Variants in MAP4K4 observed in about 807,000 individuals in gnomAD.
MAP4K4 encodes HPK/GCK-like kinase HGK.
MAP4K4 carries 38 observed loss-of-function variants against 189.6 expected under a neutral mutation model. The ratio of observed to expected loss-of-function variants is 0.20; its 90% CI spans 0.15 to 0.26. MAP4K4 has a LOEUF of 0.26. Ranked by LOEUF, MAP4K4 falls within the 10% of genes least tolerant of loss-of-function variation. MAP4K4 has a pLI of 1.00. For missense variants in MAP4K4, 1,054 were observed against 1,726.9 expected (o/e 0.61, Z 6.91); for synonymous variants, 610 against 624.3 (o/e 0.98, Z 0.34).
chr2:101,838,669 C>G (rs557391604), intron 9 of MAP4K4, among the ~76,000 whole-genome samples: 1 of 152,262 alleles, frequency 6.6e-6, no homozygotes, highest in South Asian at 2.1e-4. Flanking sequence ...AATTTCTCCA[C>G]TTTATTTCCC....
intron 3 of MAP4K4, among the ~76,000 whole-genome samples, chr2:101,801,910 C>T (rs1028514895): frequency 6.6e-6 from 1 of 152,152 alleles, no homozygotes; most frequent in African/African-American, 2.4e-5. Context: ...CCTCATTGCT[C>T]AGGCCCAAAA....
At chr2:101,873,810 T>A (rs1391320784) in intron 25 of MAP4K4, 46 bp downstream of exon 25, 1 of 1,367,992 alleles carries the variant, frequency 7.3e-7, no homozygotes, top group African/African-American at 1.4e-5. Flanking sequence ...TGGGACTTTA[T>A]CTTTGAGTTG....
intron 26 of MAP4K4, among the ~76,000 whole-genome samples, chr2:101,875,854 A>G (rs1214649944): frequency 6.6e-6 from 1 of 152,256 alleles, no homozygotes; most frequent in African/African-American, 2.4e-5. Context: ...TGCCAGTCCA[A>G]GGCTTTTGGA....
chr2:101,763,004 A>G (rs1185846545), intron 2 of MAP4K4, among the ~76,000 whole-genome samples: 1 of 152,130 alleles, frequency 6.6e-6, no homozygotes, highest in Non-Finnish European at 1.5e-5. Flanking sequence ...GACCTGAGGA[A>G]TGTGAGGCCA....
intron 2 of MAP4K4, among the ~76,000 whole-genome samples, chr2:101,704,469 G>A (rs2040812765): frequency 6.9e-6 from 1 of 144,012 alleles, no homozygotes; most frequent in Admixed American, 7.1e-5. Flanking sequence ...ACATTTATTT[G>A]CCTAGCTGCA....
In MAP4K4 at chr2:101,880,511, A is replaced by AT. The variant is rs542768415; in HGVS notation, c.3386-2025dup. Among the ~76,000 whole-genome samples the AT allele has an allele frequency of 8.7e-3, 1,193 of 137,298 alleles. 3 individuals carry two copies. The highest frequency in any genetic ancestry group is 0.015 in the African/African-American group (566 of 37,516). The allele number at this position is 137,298 out of a possible 152,430, so 90.1% of individuals were successfully genotyped here. A position where few individuals can be genotyped will look rare whatever the true frequency, so the allele number is the denominator to read the frequency against. ...ATTACTGCTATATTTGTATAGTTCT[A>AT]TTTTTTTTTTTTTTTGACACGGAGT... On this transcript the variant is annotated intron_variant, in intron 27 of 32. Coordinates refer to ENST00000324219, the Ensembl canonical transcript of MAP4K4.
intron 12 of MAP4K4, among the ~76,000 whole-genome samples, chr2:101,854,535 A>G (rs1163506398): frequency 6.6e-6 from 1 of 152,194 alleles, no homozygotes; most frequent in Non-Finnish European, 1.5e-5. Flanking sequence ...GTCAGGTGAG[A>G]GAGACTGGAC....
At chr2:101,783,510 G>T (rs1449982803) in intron 2 of MAP4K4, among the ~76,000 whole-genome samples, 1 of 152,118 alleles carries the variant, frequency 6.6e-6, no homozygotes, top group Non-Finnish European at 1.5e-5. Flanking sequence ...GTTTAAAAAG[G>T]CATGGATTCC....
intron 3 of MAP4K4, among the ~76,000 whole-genome samples, chr2:101,798,759 C>T (rs2148940742): frequency 6.6e-6 from 1 of 152,296 alleles, no homozygotes; most frequent in East Asian, 1.9e-4. Context: ...GAGTTCCGTG[C>T]ACTTGGAGAA....
intron 2 of MAP4K4, among the ~76,000 whole-genome samples, chr2:101,769,309 T>C (rs1194388577): frequency 1.3e-5 from 2 of 152,164 alleles, no homozygotes; most frequent in African/African-American, 4.8e-5. Context: ...AGATCTGTAA[T>C]AGTGAATATT....
intron 12 of MAP4K4, among the ~76,000 whole-genome samples, chr2:101,851,729 T>G (rs1034946969): frequency 1.4e-5 from 1 of 73,622 alleles, no homozygotes; most frequent in South Asian, 4.1e-4. Flanking sequence ...GTCCTCTTTT[T>G]TTTTTTTTTT....
chr2:101,737,208 T>C (rs1017546468), intron 2 of MAP4K4, among the ~76,000 whole-genome samples: 2 of 151,774 alleles, frequency 1.3e-5, no homozygotes, highest in African/African-American at 4.8e-5. Context: ...TGGTCAGAGA[T>C]GGTGAGTGGG....
intron 10 of MAP4K4, among the ~76,000 whole-genome samples, chr2:101,842,192 TCAC>T (rs1222036302): frequency 1.3e-5 from 2 of 152,228 alleles, no homozygotes; most frequent in Non-Finnish European, 2.9e-5. Context: ...TTGCAAAAAA[TCAC>T]CAAGTAAATT....
rs573108235 is a variant in MAP4K4 at position 101,698,642 on chromosome 2, T to A, written c.123+104T>A. ...GCTGCTGACTGGAGGCCACGCCGCT[T>A]GGCCAAAGTTGGGAGAGGGGTTTCT... On this transcript the variant is annotated intron_variant, in intron 2 of 32. Coordinates refer to ENST00000324219, the Ensembl canonical transcript of MAP4K4. 2.3e-5 allele frequency: 24 copies of A among 1,051,660 alleles called. No homozygotes were observed. In the South Asian group the frequency reaches 2.9e-4, roughly 13 times the overall value. The allele number at this position is 1,051,660 out of a possible 1,614,324, so 65.1% of individuals were successfully genotyped here.
At chr2:101,723,202 T>A (rs181064729) in intron 2 of MAP4K4, among the ~76,000 whole-genome samples, 125 of 152,288 alleles carry the variant, frequency 8.2e-4, no homozygotes, top group Middle Eastern at 3.4e-3. Flanking sequence ...TCCTTGAAAT[T>A]TATGGGGATT....
exon 33 of MAP4K4, chr2:101,893,331 G>A (rs939085172): frequency 4.4e-6 from 2 of 451,112 alleles, no homozygotes; most frequent in Admixed American, 4.8e-5. Context: ...TATGAGTTTG[G>A]AGCAGTGCTG....
In MAP4K4 at chr2:101,740,044, A is replaced by C. The variant is rs73943759; in HGVS notation, c.123+41506A>C. ...TTTGGACATGTTGACCACAGGTCAT[A>C]GGCCCCAGGGATGCAGATGTTGAGT... On this transcript the variant is annotated intron_variant, in intron 2 of 32. Transcript: ENST00000324219. 9.1e-3 allele frequency among the ~76,000 whole-genome samples: 1,390 copies of C among 152,154 alleles called. 20 individuals are homozygous for C. Among genetic ancestry groups the C allele is most frequent in the African/African-American group, 0.032 (1,328 of 41,544 alleles).
At chr2:101,728,259 A>G (rs1338070012) in intron 2 of MAP4K4, among the ~76,000 whole-genome samples, 2 of 152,154 alleles carry the variant, frequency 1.3e-5, no homozygotes, top group Admixed American at 1.3e-4. Flanking sequence ...TTAGACATAG[A>G]TTACTGGGCC....
rs994360080 is a variant in MAP4K4 at position 101,728,137 on chromosome 2, A to T, written c.123+29599A>T. Among the ~76,000 whole-genome samples the T allele has an allele frequency of 5.9e-5, 9 of 152,230 alleles. 1 individual carries two copies. Among genetic ancestry groups the T allele is most frequent in the Admixed American group, 4.6e-4 (7 of 15,286 alleles). Reference sequence around the variant, plus strand: ...TAAGTAAGTAATCTCCCTATTTCCCAGTCTAGAATGCTCTTGAAGCGTGGA... The same window carrying T: ...TAAGTAAGTAATCTCCCTATTTCCCTGTCTAGAATGCTCTTGAAGCGTGGA... On this transcript the variant is annotated intron_variant, in intron 2 of 32. Coordinates refer to ENST00000324219, the Ensembl canonical transcript of MAP4K4.
Sources: allele counts gnomAD v4.1 joint callset (sites outside exome capture counted in the v4.1 genomes callset), GRCh38; gene constraint gnomAD v4.1.1; transcripts MANE v1.5; gene names NCBI Gene and HGNC (gene_info 2026-07-23, HGNC 2026-07-21).